Variants in WDR53 observed in about 807,000 individuals in gnomAD.
The protein encoded by WDR53 is WD repeat domain 53, also known as WD repeat-containing protein 53.
Under a neutral mutation model 21.3 loss-of-function variants are expected in WDR53, and 19 were observed. The ratio of observed to expected loss-of-function variants is 0.89; its 90% CI spans 0.62 to 1.31. The LOEUF is 1.31. WDR53 is among the 50% of genes most tolerant of loss of function. The pLI, the probability that WDR53 is intolerant of heterozygous loss-of-function variation, is 0.00. For missense variants in WDR53, 374 were observed against 423.2 expected (o/e 0.88, Z 1.02); for synonymous variants, 157 against 163.4 (o/e 0.96, Z 0.30).
intron 3 of WDR53, among the ~76,000 whole-genome samples, chr3:196,560,481 C>T (rs1734727440): frequency 1.3e-5 from 2 of 152,246 alleles, no homozygotes; most frequent in East Asian, 1.9e-4. Flanking sequence ...AAGTGATCTG[C>T]CCACCTCGGC....
At chr3:196,554,954 A>G (rs1045377032) in intron 3 of WDR53, 147 bp from the exon 4 acceptor site, 21 of 652,118 alleles carry the variant, frequency 3.2e-5, no homozygotes, top group Non-Finnish European at 4.9e-5. Context: ...AAATAATCAA[A>G]TGCTGCCATA....
intron 2 of WDR53, among the ~76,000 whole-genome samples, chr3:196,564,119 A>G (rs1014996510): frequency 6.6e-6 from 1 of 152,212 alleles, no homozygotes; most frequent in Non-Finnish European, 1.5e-5. Flanking sequence ...GAAATGACTC[A>G]GAGGGAGGTA....
Position 196,554,383 on chromosome 3 carries a change from G to A in WDR53, c.905C>T (p.Thr302Ile), listed in dbSNP as rs765657934. 5 of 1,614,110 alleles carry A rather than the reference G, an allele frequency of 3.1e-6. No homozygotes were observed. The East Asian group carries it at 8.9e-5, about 29-fold the overall frequency. Residue 302 changes from threonine (T) to isoleucine (I), a missense_variant, in exon 4 of 4, where the codon ACT becomes ATT. Physicochemically the swap from Thr to Ile is moderately conservative, Grantham distance 89 (BLOSUM62 -1). Coordinates refer to ENST00000332629, the MANE Select transcript of WDR53 (RefSeq NM_182627.3). ...RGTCTKQGGNTNASVTDEEEH... is the reference protein window; with the variant it reads ...RGTCTKQGGNINASVTDEEEH... ...TTCCTCATCTGTTACTGAAGCGTTA[G>A]TATTTCCACCCTGCTTGGTGCAAGT...
chr3:196,561,602 C>A, intron 2 of WDR53, 111 bp from the exon 3 acceptor site: 37 of 1,048,166 alleles, frequency 3.5e-5, no homozygotes, highest in Non-Finnish European at 4.1e-5. Flanking sequence ...AAAAATACAT[C>A]TTAAAAAAAC....
In WDR53 at chr3:196,554,717, G is replaced by A. The variant is rs772433528; in HGVS notation, c.571C>T (p.Pro191Ser). The A allele has an allele frequency of 6.2e-7, 1 of 1,614,170 alleles. No individual in the cohort carries two copies. The highest frequency in any genetic ancestry group is 8.5e-7 in the Non-Finnish European group (1 of 1,180,026). The change falls in exon 4 of 4, where the codon CCT becomes TCT. Residue 191 changes from proline to serine, a missense_variant. Pro to Ser is a moderately conservative substitution (Grantham distance 74, BLOSUM62 -1). Transcript: ENST00000332629. ...ETEEMEGPQS[P>S]GQLLNPALAH... is the part of the protein sequence containing the mutation. ...AGGGCAGGGTTTAAGAGCTGACCAG[G>A]TGACTGTGGGCCTTCCATTTCTTCT...
At position 196,554,623 on chromosome 3, in the gene WDR53, C is replaced by T. The variant is rs200667726; in HGVS notation, c.665G>A (p.Arg222Gln). 7.8e-5 allele frequency: 126 copies of T among 1,614,118 alleles called. No individual in the cohort carries two copies. Among genetic ancestry groups the T allele is most frequent in the Non-Finnish European group, 9.4e-5 (111 of 1,180,016 alleles). ...FSCGAEDGKV[R>Q]IFRVMGVKCE... ...CTTAACTCCCATCACCCGAAAGATT[C>T]GAACCTTACCATCTTCTGCACCACA... Residue 222 changes from arginine to glutamine, a missense_variant, in exon 4 of 4, where the codon CGA (arginine) becomes CAA (glutamine). By Grantham distance (43) the Arg-to-Gln change is conservative (BLOSUM62 1). Coordinates refer to ENST00000332629, the MANE Select transcript of WDR53 (RefSeq NM_182627.3).
intron 1 of WDR53, among the ~76,000 whole-genome samples, chr3:196,567,942 C>G (rs542331765): frequency 2.0e-5 from 3 of 152,284 alleles, no homozygotes; most frequent in Non-Finnish European, 4.4e-5. Context: ...TGTAGCGACA[C>G]TGCCTCGCAA....
rs749366101 is a variant in WDR53, at chr3:196,561,217, A to C, written c.259T>G (p.Leu87Val). The C allele has an allele frequency of 2.5e-6, 4 of 1,614,136 alleles. No homozygotes were observed. Among genetic ancestry groups the C allele is most frequent in the Non-Finnish European group, 3.4e-6 (4 of 1,180,066 alleles). Residue 87 changes from leucine (L) to valine (V), a missense_variant, in exon 3 of 4, where the codon TTG (leucine) becomes GTG (valine). Coordinates refer to ENST00000332629, the MANE Select transcript of WDR53 (RefSeq NM_182627.3). ...TCTTCATTCACATGAAAATGGTCCAAGGAATCTTTGAGGGACCTGACATCC... is the reference window on the plus strand; with the variant it reads ...TCTTCATTCACATGAAAATGGTCCACGGAATCTTTGAGGGACCTGACATCC... ...VLDVRSLKDS[L>V]DHFHVNEEEI...
chr3:196,561,377 G>A lies in WDR53; in HGVS notation c.99C>T (p.Leu33=), dbSNP rs768449279. 8.9e-5 allele frequency: 143 copies of A among 1,613,974 alleles called. No individual in the cohort carries two copies. Among genetic ancestry groups the A allele is most frequent in the Non-Finnish European group, 1.0e-4 (122 of 1,180,032 alleles). ...GAGTTCCATCTTCACCCCAAGCCGT[G>A]AGATCTCCGCCCTCTGCTCCAGAAG... The part of the protein sequence containing the change: ...LLASGAEGGD[L]TAWGEDGTPL... The change falls in exon 3 of 4, where the codon CTC becomes CTT. Residue 33 remains leucine (L), a synonymous_variant. Coordinates refer to ENST00000332629, the MANE Select transcript of WDR53 (RefSeq NM_182627.3).
At chr3:196,563,827 C>T (rs549312774) in intron 2 of WDR53, among the ~76,000 whole-genome samples, 22 of 152,314 alleles carry the variant, frequency 1.4e-4, no homozygotes, top group Admixed American at 4.6e-4. Context: ...CCACTTCAGC[C>T]TCCCAAAGTG....
At chr3:196,556,258 G>C (rs1054475908) in intron 3 of WDR53, among the ~76,000 whole-genome samples, 2 of 151,948 alleles carry the variant, frequency 1.3e-5, no homozygotes, top group Non-Finnish European at 2.9e-5. Flanking sequence ...ATGTTGCCCA[G>C]GCTGGTCTCC....
rs758860757 is a variant in WDR53 at position 196,554,266 on chromosome 3, A to G, written c.1022T>C (p.Ile341Thr). ...LGTKIKGHQN[I>T]LVADQTSCIS... ...ACAACTAGTTTGATCAGCTACTAAT[A>G]TATTTTGGTGTCCCTTTATTTTTGT... Residue 341 changes from isoleucine (I) to threonine (T), a missense_variant, in exon 4 of 4, where the codon ATA becomes ACA. Transcript: ENST00000332629. 5.6e-6 allele frequency: 9 copies of G among 1,613,944 alleles called. No homozygotes were observed. In the South Asian group the frequency reaches 7.7e-5, roughly 14 times the overall value.
At position 196,567,110 on chromosome 3, in the gene WDR53, T is replaced by C; in HGVS notation, c.-250A>G. 1 of 456,668 alleles carries C rather than the reference T, an allele frequency of 2.2e-6. No individual in the cohort carries two copies. The allele number at this position is 456,668 out of a possible 1,614,324, so 28.3% of individuals were successfully genotyped here. On this transcript the variant is annotated 5_prime_UTR_variant, in exon 2 of 4. Transcript: ENST00000332629. ...TGTGCCTCTAAGGCTGTTCATTCTGTCTAGTTCATGATCCCTTTCTCAGAT... is the reference window on the plus strand; with the variant it reads ...TGTGCCTCTAAGGCTGTTCATTCTGCCTAGTTCATGATCCCTTTCTCAGAT...
intron 2 of WDR53, among the ~76,000 whole-genome samples, chr3:196,564,372 G>T (rs1330678039): frequency 1.4e-5 from 2 of 147,870 alleles, no homozygotes; most frequent in East Asian, 2.0e-4. Context: ...TTTGTTTAAC[G>T]ATTTCAATTT....
chr3:196,565,856 T>G (rs1735337788), intron 2 of WDR53, among the ~76,000 whole-genome samples: 1 of 152,192 alleles, frequency 6.6e-6, no homozygotes, highest in Non-Finnish European at 1.5e-5. Flanking sequence ...CAAGCCACTG[T>G]TTCTTGCTTT....
chr3:196,566,493 A>G (rs1444759023), intron 2 of WDR53, among the ~76,000 whole-genome samples: 1 of 150,222 alleles, frequency 6.7e-6, no homozygotes, highest in Non-Finnish European at 1.5e-5. Context: ...GGCTCACTGC[A>G]ACCTCCGTCT....
intron 2 of WDR53, among the ~76,000 whole-genome samples, chr3:196,561,919 T>C (rs1229282108): frequency 6.6e-6 from 1 of 152,218 alleles, no homozygotes; most frequent in Non-Finnish European, 1.5e-5. Context: ...GCTAGGGGAC[T>C]GGGCAAATTA....
chr3:196,554,713 C>G lies in WDR53; in HGVS notation c.575G>C (p.Gly192Ala), dbSNP rs746216466. ...TEEMEGPQSP[G>A]QLLNPALAHS... The stretch of plus-strand genomic sequence containing the variant: ...GGCTAGGGCAGGGTTTAAGAGCTGA[C>G]CAGGTGACTGTGGGCCTTCCATTTC... The change falls in exon 4 of 4, where the codon GGT becomes GCT. Residue 192 changes from glycine to alanine, a missense_variant. Physicochemically the swap from Gly to Ala is moderately conservative, Grantham distance 60 (BLOSUM62 0). Transcript: ENST00000332629. The G allele has an allele frequency of 5.6e-6, 9 of 1,614,040 alleles. No homozygotes were observed. Among genetic ancestry groups the G allele is most frequent in the African/African-American group, 5.3e-5 (4 of 74,914 alleles).
At position 196,560,117 on chromosome 3, in the gene WDR53, C is replaced by T. The variant is rs971437884; in HGVS notation, c.480+879G>A. ...TTCTCTTATGAAGACCAGCACATTC[C>T]ATTTTTTCCCCTCATGAAAACTAAG... On this transcript the variant is annotated intron_variant, in intron 3 of 3. Coordinates refer to ENST00000332629, the MANE Select transcript of WDR53 (RefSeq NM_182627.3). 2.6e-5 allele frequency among the ~76,000 whole-genome samples: 4 copies of T among 152,310 alleles called. No individual in the cohort carries two copies. The East Asian group carries it at 7.7e-4, about 29-fold the overall frequency.
Sources: allele counts gnomAD v4.1 joint callset (sites outside exome capture counted in the v4.1 genomes callset), GRCh38; gene constraint gnomAD v4.1.1; transcripts MANE v1.5; gene names NCBI Gene and HGNC (gene_info 2026-07-23, HGNC 2026-07-21).